The following CALHM4 variants were observed in gnomAD, a reference collection of about 807,000 sequenced individuals.
CALHM4 encodes the protein calcium homeostasis modulator protein 4.
Under a neutral mutation model 13.3 loss-of-function variants are expected in CALHM4, and 16 were observed. That is an observed-to-expected ratio of 1.20 (90% CI 0.81 to 1.82). The LOEUF (loss-of-function observed/expected upper bound fraction) is 1.82, where lower values mean the gene tolerates loss of function less well. CALHM4 is among the 40% of genes most tolerant of loss of function. CALHM4 has a pLI of 0.00. For missense variants in CALHM4, 344 were observed against 374.9 expected, an observed-to-expected ratio of 0.92 and a Z score of 0.68; for synonymous variants, 127 against 137.1, an observed-to-expected ratio of 0.93 and a Z score of 0.52.
At chr6:116,538,278 T>C (rs1296573971) in intron 1 of CALHM4, among the ~76,000 whole-genome samples, 1 of 152,210 alleles carries the variant, frequency 6.6e-6, no homozygotes, top group Non-Finnish European at 1.5e-5. Context: ...TCTAACTGGA[T>C]GAGCCAATAT....
intron 1 of CALHM4, among the ~76,000 whole-genome samples, chr6:116,535,767 G>T (rs1773037328): frequency 6.6e-6 from 1 of 152,098 alleles, no homozygotes; most frequent in African/African-American, 2.4e-5. Context: ...TCTCAGAACA[G>T]TTACCATAGT....
chr6:116,555,686 T>C (rs1774282060), intron 1 of CALHM4, among the ~76,000 whole-genome samples: 1 of 152,238 alleles, frequency 6.6e-6, no homozygotes, highest in Non-Finnish European at 1.5e-5. Context: ...AAGATCATGC[T>C]ATTTCCATTT....
At chr6:116,548,687 G>C (rs780605827) in intron 2 of CALHM4, among the ~76,000 whole-genome samples, 6 of 152,192 alleles carry the variant, frequency 3.9e-5, no homozygotes, top group Non-Finnish European at 8.8e-5. Context: ...AAACCATTCA[G>C]AAGTCAGAGT....
intron 1 of CALHM4, among the ~76,000 whole-genome samples, chr6:116,533,936 T>A (rs1772909330): frequency 6.6e-6 from 1 of 152,182 alleles, no homozygotes; most frequent in African/African-American, 2.4e-5. Flanking sequence ...TTTAGCCCAT[T>A]GTTCCCTGCC....
At chr6:116,546,762 C>T (rs1361141696) in intron 2 of CALHM4, among the ~76,000 whole-genome samples, 1 of 152,118 alleles carries the variant, frequency 6.6e-6, no homozygotes, top group Non-Finnish European at 1.5e-5. Flanking sequence ...ATAGGTTATT[C>T]TTGTGGTTGG....
At chr6:116,540,660 G>A (rs1400052680) in intron 1 of CALHM4, among the ~76,000 whole-genome samples, 1 of 152,046 alleles carries the variant, frequency 6.6e-6, no homozygotes, top group Non-Finnish European at 1.5e-5. Flanking sequence ...ACACACTGAG[G>A]AAATATTAAC....
chr6:116,550,619 A>G (rs1204171476), upstream of CALHM4, among the ~76,000 whole-genome samples: 1 of 152,060 alleles, frequency 6.6e-6, no homozygotes, highest in Non-Finnish European at 1.5e-5. Flanking sequence ...CATTTCTACC[A>G]TTATTTTCTG....
At chr6:116,538,212 C>A (rs867222599) in intron 1 of CALHM4, among the ~76,000 whole-genome samples, 1 of 152,148 alleles carries the variant, frequency 6.6e-6, no homozygotes, top group South Asian at 2.1e-4. Context: ...TTGCCCTCAG[C>A]GCTAATAATA....
At chr6:116,545,750 T>A (rs992791793) in intron 2 of CALHM4, 1 of 352,672 alleles carries the variant, frequency 2.8e-6, no homozygotes, top group African/African-American at 2.1e-5. Context: ...AAATAACTGC[T>A]TCATTTGTAA....
At chr6:116,537,167 A>C (rs1178680350) in intron 1 of CALHM4, among the ~76,000 whole-genome samples, 1 of 152,184 alleles carries the variant, frequency 6.6e-6, no homozygotes, top group Admixed American at 6.5e-5. Context: ...GAAGGTGATG[A>C]ATATTCTCCT....
intron 2 of CALHM4, among the ~76,000 whole-genome samples, chr6:116,547,691 A>T (rs1205171169): frequency 6.6e-6 from 1 of 152,222 alleles, no homozygotes; most frequent in Non-Finnish European, 1.5e-5. Context: ...GAAAGCACAG[A>T]GATGATGTTT....
intron 2 of CALHM4, among the ~76,000 whole-genome samples, chr6:116,547,991 A>G (rs1773885855): frequency 6.6e-6 from 1 of 152,210 alleles, no homozygotes; most frequent in Admixed American, 6.5e-5. Context: ...AGAGGATGAC[A>G]TCCGCTGATC....
At chr6:116,542,056 C>CT (rs1257526088) in intron 1 of CALHM4, among the ~76,000 whole-genome samples, 2 of 152,080 alleles carry the variant, frequency 1.3e-5, no homozygotes, top group South Asian at 2.1e-4. Context: ...AATAAGTGAG[C>CT]TTTTTTATTA....
At chr6:116,543,816 G>C in exon 2 of CALHM4, 1 of 1,534,028 alleles carries the variant, frequency 6.5e-7, no homozygotes, top group African/African-American at 1.4e-5. Flanking sequence ...AATCCCTAAT[G>C]GCCCCCAGAT....
At chr6:116,551,164 G>C (rs568801071), upstream of CALHM4, among the ~76,000 whole-genome samples, 2 of 152,042 alleles carry the variant, frequency 1.3e-5, no homozygotes, top group Non-Finnish European at 2.9e-5. Context: ...ATGCACCCCC[G>C]TGACCTTATG....
chr6:116,540,290 A>G lies in CALHM4; in HGVS notation c.-108-3475A>G, dbSNP rs114204408. 1.0e-3 allele frequency: 1,445 copies of G among 1,413,654 alleles called. 12 individuals carry two copies. In the African/African-American group the frequency reaches 0.018, roughly 18 times the overall value. The allele number at this position is 1,413,654 out of a possible 1,614,324, so 87.6% of individuals were successfully genotyped here. ...TGCAGATGGAACCTGTCCAATCTGA[A>G]CAGAAAACCACCATACTCAAAAAGA... On this transcript the variant is annotated intron_variant, in intron 1 of 2. Transcript: ENST00000368597.
chr6:116,558,138 A>G lies in CALHM4; in HGVS notation c.872A>G (p.Tyr291Cys), dbSNP rs377026065. Reference protein sequence around the residue: ...LCMGDDLQGHYSFLGNRVDED... With the variant: ...LCMGDDLQGHCSFLGNRVDED... ...ATGGGTGATGACTTGCAAGGTCACT[A>G]TAGCTTCCTTGGAAATAGGGTGGAT... The change falls in exon 2 of 2, where the codon TAT (tyrosine) becomes TGT (cysteine). Residue 291 changes from tyrosine to cysteine, a missense_variant. Transcript: ENST00000368596. 8 of 1,614,056 alleles carry G rather than the reference A, an allele frequency of 5.0e-6. No individual in the cohort carries two copies. The Middle Eastern group carries it at 4.9e-4, about 99-fold the overall frequency.
chr6:116,551,573 C>G (rs1405375739), upstream of CALHM4, among the ~76,000 whole-genome samples: 3 of 151,032 alleles, frequency 2.0e-5, no homozygotes, highest in Non-Finnish European at 4.4e-5. Flanking sequence ...GAGTAGTATT[C>G]CATTGTATGA....
At chr6:116,550,383 C>T (rs1182278351), upstream of CALHM4, among the ~76,000 whole-genome samples, 1 of 152,104 alleles carries the variant, frequency 6.6e-6, no homozygotes, top group Non-Finnish European at 1.5e-5. Flanking sequence ...CCTGGCACTT[C>T]CGCTCATCTG....
Sources: gnomAD v4.1 joint callset for allele counts (sites outside exome capture counted in the v4.1 genomes callset) on GRCh38, gnomAD v4.1.1 for gene constraint, MANE v1.5 for transcripts, NCBI Gene and HGNC (gene_info 2026-07-23, HGNC 2026-07-21) for gene names.